The following ADGRL4 variants were observed in gnomAD, a reference collection of about 807,000 sequenced individuals.
ADGRL4 encodes the protein EGF, latrophilin and seven transmembrane domain containing 1.
ADGRL4 carries 90 observed loss-of-function variants against 74.8 expected under a neutral mutation model. The ratio of observed to expected loss-of-function variants is 1.20; its 90% CI spans 1.02 to 1.43. The LOEUF (loss-of-function observed/expected upper bound fraction) is 1.43. Among genes scored for constraint, ADGRL4 ranks in the 40% most tolerant of loss-of-function variants. ADGRL4 has a pLI of 0.00. For synonymous variants in ADGRL4, 311 were observed against 279.2 expected (o/e 1.11, Z -1.14); for missense variants, 881 against 814.3 (o/e 1.08, Z -1.00).
At chr1:78,973,131 C>T (rs750597307) in intron 2 of ADGRL4, among the ~76,000 whole-genome samples, 1 of 152,114 alleles carries the variant, frequency 6.6e-6, no homozygotes, top group Admixed American at 6.6e-5. Context: ...AGTTTCAAGG[C>T]ATTTTTAAAA....
At chr1:78,948,865 T>A (rs1308893865) in intron 2 of ADGRL4, among the ~76,000 whole-genome samples, 1 of 152,144 alleles carries the variant, frequency 6.6e-6, no homozygotes, top group African/African-American at 2.4e-5. Context: ...AGTGAATATA[T>A]CTATATTGGG....
chr1:78,892,908 T>A (rs1186738414), intron 13 of ADGRL4, among the ~76,000 whole-genome samples, 190 bp downstream of exon 13: 4 of 152,016 alleles, frequency 2.6e-5, no homozygotes, highest in Non-Finnish European at 4.4e-5. Flanking sequence ...AATTGCTTCT[T>A]ACCACTGAAT....
intron 7 of ADGRL4, among the ~76,000 whole-genome samples, chr1:78,932,811 C>G: frequency 6.6e-6 from 1 of 151,316 alleles, no homozygotes; most frequent in East Asian, 1.9e-4. Context: ...TGCAAAAAAA[C>G]TAGAATATCT....
At chr1:78,897,683 T>C (rs1417124280) in intron 12 of ADGRL4, among the ~76,000 whole-genome samples, 1 of 152,180 alleles carries the variant, frequency 6.6e-6, no homozygotes, top group Non-Finnish European at 1.5e-5. Context: ...AAAATACTTA[T>C]CTAAAATTAT....
chr1:79,003,316 C>T (rs917711336), intron 2 of ADGRL4, among the ~76,000 whole-genome samples: 2 of 151,362 alleles, frequency 1.3e-5, no homozygotes, highest in Admixed American at 1.3e-4. Context: ...AGATGAAAAC[C>T]ACTGTTTGAA....
In ADGRL4 at chr1:78,998,646, G is replaced by A. The variant is rs568961577; in HGVS notation, c.172+6424C>T. Among the ~76,000 whole-genome samples, 11 of 152,178 alleles carry A rather than the reference G, an allele frequency of 7.2e-5. No homozygotes were observed. In the South Asian group the frequency reaches 1.5e-3, roughly 20 times the overall value. ...TTAGCAAAGTGCTGGGATTACAGGC[G>A]TCAGCCACCGCACCCAGCCAGTTTC... On this transcript the variant is annotated intron_variant, in intron 2 of 14. Transcript: ENST00000370742.
chr1:78,973,720 A>G (rs1650221862), intron 2 of ADGRL4, among the ~76,000 whole-genome samples: 1 of 150,790 alleles, frequency 6.6e-6, no homozygotes, highest in Non-Finnish European at 1.5e-5. Context: ...TGCCATTTAT[A>G]ATAAATTGAA....
At chr1:78,989,104 A>G (rs530432725) in intron 2 of ADGRL4, among the ~76,000 whole-genome samples, 28 of 151,910 alleles carry the variant, frequency 1.8e-4, no homozygotes, top group Non-Finnish European at 3.8e-4. Flanking sequence ...ACACTTATTC[A>G]ATTTCTGTGT....
At chr1:78,893,890 C>T (rs1648340773) in intron 12 of ADGRL4, among the ~76,000 whole-genome samples, 1 of 151,718 alleles carries the variant, frequency 6.6e-6, no homozygotes, top group Non-Finnish European at 1.5e-5. Flanking sequence ...TGAAAAGTTG[C>T]CTCTTATTTT....
chr1:78,961,273 G>T (rs1191171423), intron 2 of ADGRL4, among the ~76,000 whole-genome samples: 1 of 152,020 alleles, frequency 6.6e-6, no homozygotes, highest in East Asian at 1.9e-4. Flanking sequence ...CTCCTGAGTA[G>T]CTGGGACTAC....
At chr1:78,958,931 T>C (rs1048964363) in intron 2 of ADGRL4, among the ~76,000 whole-genome samples, 2 of 152,214 alleles carry the variant, frequency 1.3e-5, no homozygotes, top group African/African-American at 4.8e-5. Context: ...ACCACCCTGA[T>C]CCGTCAGCAG....
At chr1:78,982,414 G>A (rs764306635) in intron 2 of ADGRL4, among the ~76,000 whole-genome samples, 3 of 151,742 alleles carry the variant, frequency 2.0e-5, no homozygotes, top group Non-Finnish European at 4.4e-5. Context: ...AAGACATAGG[G>A]CAATTAATTA....
intron 2 of ADGRL4, among the ~76,000 whole-genome samples, chr1:78,968,039 A>G (rs899734886): frequency 1.3e-5 from 2 of 152,268 alleles, no homozygotes; most frequent in South Asian, 2.1e-4. Flanking sequence ...GTTTAGGTAC[A>G]TGAGATTGCC....
At position 78,946,272 on chromosome 1, in the gene ADGRL4, A is replaced by T; in HGVS notation, c.325+2T>A. ...AATTCTAACTTAGATAACCGAACTT[A>T]CCTATACAGACGGTTCCATCATTAG... On this transcript the variant is annotated splice_donor_variant, in intron 3 of 14. Coordinates refer to ENST00000370742, the MANE Select transcript of ADGRL4 (RefSeq NM_022159.4). LOFTEE classifies it high-confidence loss of function. 1 of 1,605,016 alleles carries T rather than the reference A, an allele frequency of 6.2e-7. No individual in the cohort carries two copies. The highest frequency in any genetic ancestry group is 8.5e-7 in the Non-Finnish European group (1 of 1,176,714).
At chr1:78,968,039 A>C (rs899734886) in intron 2 of ADGRL4, among the ~76,000 whole-genome samples, 2 of 152,152 alleles carry the variant, frequency 1.3e-5, no homozygotes, top group African/African-American at 4.8e-5. Flanking sequence ...GTTTAGGTAC[A>C]TGAGATTGCC....
intron 2 of ADGRL4, among the ~76,000 whole-genome samples, chr1:78,985,080 G>A (rs1650466523): frequency 6.6e-6 from 1 of 151,456 alleles, no homozygotes; most frequent in South Asian, 2.1e-4. Context: ...ATATAAATCT[G>A]CAATCAACAA....
rs1039559262 is a variant in ADGRL4 at position 79,006,222 on chromosome 1, C to T, written c.22+411G>A. Among the ~76,000 whole-genome samples, 56 of 152,090 alleles carry T rather than the reference C, an allele frequency of 3.7e-4. 1 individual carries two copies. Among genetic ancestry groups the T allele is most frequent in the Admixed American group, 3.3e-3 (50 of 15,272 alleles). On this transcript the variant is annotated intron_variant, in intron 1 of 14. Transcript: ENST00000370742. ...AAATAACTATGTATACTGACTAAGC[C>T]GGAATTAGTTCACCCTCGGAGATGT... is the stretch of plus-strand genomic sequence containing the variant.
At chr1:78,934,127 A>G (rs1649302100) in intron 7 of ADGRL4, among the ~76,000 whole-genome samples, 1 of 152,224 alleles carries the variant, frequency 6.6e-6, no homozygotes, top group Non-Finnish European at 1.5e-5. Flanking sequence ...GACAATCCTA[A>G]GCAAAAAGAA....
Position 78,918,068 on chromosome 1 carries a change from A to T in ADGRL4, c.1462-18T>A. On this transcript the variant is annotated intron_variant, in intron 10 of 14. Transcript: ENST00000370742. ...CAGAAGAGCTAGAAATCAAAGAAAAAAAAAAAAACATTGTCAGTGTTTGTT... is the reference window on the plus strand; with the variant it reads ...CAGAAGAGCTAGAAATCAAAGAAAATAAAAAAAACATTGTCAGTGTTTGTT... 3.2e-6 allele frequency: 5 copies of T among 1,565,716 alleles called. No homozygotes were observed. Among genetic ancestry groups the T allele is most frequent in the Non-Finnish European group, 4.3e-6 (5 of 1,153,690 alleles).
Sources: allele counts gnomAD v4.1 joint callset (sites outside exome capture counted in the v4.1 genomes callset), GRCh38; gene constraint gnomAD v4.1.1; transcripts MANE v1.5; gene names NCBI Gene and HGNC (gene_info 2026-07-23, HGNC 2026-07-21).